Variants in SYNDIG1 observed in about 807,000 individuals in gnomAD.
SYNDIG1 encodes synapse differentiation inducing 1.
In SYNDIG1, 9 loss-of-function variants were observed where a neutral mutation model predicts 19.4. That is an observed-to-expected ratio of 0.46 (90% CI 0.28 to 0.81). The LOEUF is 0.81. Among genes scored for constraint, SYNDIG1 ranks in the 30% least tolerant of loss-of-function variants. The pLI is 0.12. For missense variants in SYNDIG1, 311 were observed against 343.3 expected (o/e 0.91, Z 0.74); for synonymous variants, 141 against 145.9 (o/e 0.97, Z 0.24).
intron 3 of SYNDIG1, among the ~76,000 whole-genome samples, chr20:24,660,093 A>G (rs887916203): frequency 1.3e-5 from 2 of 152,278 alleles, no homozygotes; most frequent in African/African-American, 4.8e-5. Context: ...AATTTATTCC[A>G]TGACTATCTG....
chr20:24,622,781 T>G (rs2059058862), intron 3 of SYNDIG1, among the ~76,000 whole-genome samples: 3 of 152,116 alleles, frequency 2.0e-5, no homozygotes, highest in Non-Finnish European at 4.4e-5. Context: ...AAACAAGAAA[T>G]ATTTTTTAAA....
intron 3 of SYNDIG1, among the ~76,000 whole-genome samples, chr20:24,585,991 T>C (rs541643284): frequency 1.3e-5 from 2 of 152,338 alleles, no homozygotes; most frequent in Admixed American, 6.5e-5. Context: ...AGCAGTTGCT[T>C]CTTGATGGCT....
At chr20:24,621,541 G>T (rs890788864) in intron 3 of SYNDIG1, among the ~76,000 whole-genome samples, 1 of 152,138 alleles carries the variant, frequency 6.6e-6, no homozygotes, top group African/African-American at 2.4e-5. Context: ...TGTCTGCTGG[G>T]TCTCATTTCT....
chr20:24,610,176 T>C, intron 3 of SYNDIG1, among the ~76,000 whole-genome samples: 1 of 152,180 alleles, frequency 6.6e-6, no homozygotes, highest in Admixed American at 6.5e-5. Context: ...AGACTGACAC[T>C]GGTGGGTGGA....
At chr20:24,661,384 G>GTT (rs2059587325) in intron 3 of SYNDIG1, among the ~76,000 whole-genome samples, 1 of 140,494 alleles carries the variant, frequency 7.1e-6, no homozygotes, top group African/African-American at 2.6e-5. Flanking sequence ...AAGAGGGAGG[G>GTT]AGGAAAGAGG....
chr20:24,472,295 T>G (rs989479974), intron 1 of SYNDIG1, among the ~76,000 whole-genome samples: 12 of 152,334 alleles, frequency 7.9e-5, no homozygotes, highest in African/African-American at 2.9e-4. Context: ...TTCTAATTCA[T>G]GAAGGGCGTG....
chr20:24,536,993 G>C (rs2057375504), intron 1 of SYNDIG1, among the ~76,000 whole-genome samples: 1 of 152,110 alleles, frequency 6.6e-6, no homozygotes. Context: ...GGCTTATTGT[G>C]CTTCTCCTTG....
At chr20:24,550,304 G>C (rs1002176839) in intron 2 of SYNDIG1, among the ~76,000 whole-genome samples, 1 of 149,276 alleles carries the variant, frequency 6.7e-6, no homozygotes, top group Non-Finnish European at 1.5e-5. Context: ...TGGTGTAGAT[G>C]TCTCTCTAAT....
At chr20:24,480,561 G>A (rs184823754) in intron 1 of SYNDIG1, among the ~76,000 whole-genome samples, 4 of 152,228 alleles carry the variant, frequency 2.6e-5, no homozygotes, top group Non-Finnish European at 4.4e-5. Flanking sequence ...GGAAAATAGT[G>A]TGGAGGTTCC....
chr20:24,572,194 T>C (rs1455690717), intron 2 of SYNDIG1, among the ~76,000 whole-genome samples: 2 of 152,254 alleles, frequency 1.3e-5, no homozygotes, highest in African/African-American at 4.8e-5. Context: ...ATTGGCTTTC[T>C]GTGTGGCGAG....
At chr20:24,553,251 T>G (rs1193513386) in intron 2 of SYNDIG1, among the ~76,000 whole-genome samples, 24 of 150,422 alleles carry the variant, frequency 1.6e-4, no homozygotes, top group South Asian at 2.1e-4. Context: ...TTTCTCCCAT[T>G]TTGTAGGTTG....
intron 3 of SYNDIG1, among the ~76,000 whole-genome samples, chr20:24,594,725 T>C (rs904227583): frequency 6.6e-6 from 1 of 152,236 alleles, no homozygotes; most frequent in African/African-American, 2.4e-5. Flanking sequence ...ATAATTCTCA[T>C]TGTAGAGATC....
At chr20:24,583,231 A>G (rs2058359192) in intron 2 of SYNDIG1, among the ~76,000 whole-genome samples, 1 of 152,228 alleles carries the variant, frequency 6.6e-6, no homozygotes. Context: ...GCACTCAGGC[A>G]TCGGTGGCAA....
At chr20:24,662,882 ACTCTTGGACTCAAGACAGTTTGCC>A (rs2059616476) in intron 3 of SYNDIG1, among the ~76,000 whole-genome samples, 2 of 152,122 alleles carry the variant, frequency 1.3e-5, no homozygotes, top group Admixed American at 6.5e-5. Context: ...CAGCTCAGAG[ACTCTTGGACTCAAGACAGTTTGCC>A]CTGCCCTCAT....
chr20:24,499,978 C>G (rs541886475), intron 1 of SYNDIG1, among the ~76,000 whole-genome samples: 1 of 152,148 alleles, frequency 6.6e-6, no homozygotes, highest in East Asian at 1.9e-4. Flanking sequence ...CTGCTCACTC[C>G]GTACCCACTC....
chr20:24,500,480 TTCTTTCTTTCTTTC>T (rs2056416269), intron 1 of SYNDIG1, among the ~76,000 whole-genome samples: 1 of 22,590 alleles, frequency 4.4e-5, no homozygotes, highest in South Asian at 2.0e-3. Flanking sequence ...ATTCTTTTCT[TTCTTTCTTTCTTTC>T]TTTCTTTCTT....
chr20:24,491,479 G>A (rs2056146197), intron 1 of SYNDIG1: 1 of 152,282 alleles, frequency 6.6e-6, no homozygotes, highest in Admixed American at 6.5e-5. Flanking sequence ...TGACAGCGCA[G>A]GGCCTGGCCC....
chr20:24,627,452 A>AGGGTTTT, intron 3 of SYNDIG1, among the ~76,000 whole-genome samples: 1 of 152,124 alleles, frequency 6.6e-6, no homozygotes, highest in African/African-American at 2.4e-5. Context: ...GTCTAGGGTG[A>AGGGTTTT]GGCCTGGGTG....
chr20:24,480,568 T>C (rs1223217662), intron 1 of SYNDIG1, among the ~76,000 whole-genome samples: 1 of 151,950 alleles, frequency 6.6e-6, no homozygotes, highest in East Asian at 1.9e-4. Context: ...AGTGTGGAGG[T>C]TCCTCAGAAA....
Sources: allele counts gnomAD v4.1 joint callset (sites outside exome capture counted in the v4.1 genomes callset), GRCh38; gene constraint gnomAD v4.1.1; transcripts MANE v1.5; gene names NCBI Gene and HGNC (gene_info 2026-07-23, HGNC 2026-07-21).